Variants in ELP6 observed in about 807,000 individuals in gnomAD.
ELP6 encodes elongator acetyltransferase complex subunit 6.
Under a neutral mutation model 28.1 loss-of-function variants are expected in ELP6, and 23 were observed. The ratio of observed to expected loss-of-function variants is 0.82; its 90% CI spans 0.59 to 1.16. ELP6 has a LOEUF of 1.16. ELP6 is among the 50% of genes most tolerant of loss of function. ELP6 has a pLI of 0.00. For synonymous variants in ELP6, 132 were observed against 135.8 expected, an observed-to-expected ratio of 0.97 and a Z score of 0.19; for missense variants, 313 against 334.6, an observed-to-expected ratio of 0.94 and a Z score of 0.50.
chr3:47,504,440 G>T lies in ELP6; in HGVS notation c.213C>A (p.Ser71Arg). ...YSIVGQKLGV[S>R]LTMARERGQL... ...GCCCACGCTCCCGCGCCATGGTCAG[G>T]CTGACACCCTAAACATGAAAAAGAG... Residue 71 changes from serine (S) to arginine (R), a missense_variant, in exon 4 of 7, where the codon AGC (serine) becomes AGA (arginine). By Grantham distance (110) the Ser-to-Arg change is moderately radical. Transcript: ENST00000296149. 1 of 1,605,136 alleles carries T rather than the reference G, an allele frequency of 6.2e-7. No individual in the cohort carries two copies.
rs1708541354 is a variant in ELP6 at position 47,498,365 on chromosome 3, T to C, written c.593A>G (p.Asn198Ser). 1 of 1,613,756 alleles carries C rather than the reference T, an allele frequency of 6.2e-7. No individual in the cohort carries two copies. Among genetic ancestry groups the C allele is most frequent in the East Asian group, 2.2e-5 (1 of 44,890 alleles). Reference sequence around the variant, plus strand: ...CAGATGGCTCTGATGACTGAGGCCATTCAGCAGGATGTCATTCTCCTCATC... The same window carrying C: ...CAGATGGCTCTGATGACTGAGGCCACTCAGCAGGATGTCATTCTCCTCATC... Reference protein sequence around the residue: ...AEDEENDILLNGLSHQSHLIL... With the variant: ...AEDEENDILLSGLSHQSHLIL... Residue 198 changes from asparagine to serine, a missense_variant, in exon 6 of 7, where the codon AAT becomes AGT. Asn to Ser is a conservative substitution (Grantham distance 46, BLOSUM62 1). Coordinates refer to ENST00000296149, the MANE Select transcript of ELP6 (RefSeq NM_001031703.3).
At chr3:47,513,470 C>T in intron 1 of ELP6, 67 bp downstream of exon 1, 1 of 1,580,876 alleles carries the variant, frequency 6.3e-7, no homozygotes, top group Non-Finnish European at 8.6e-7. Flanking sequence ...GTGCGCACCG[C>T]CTCCCGGATG....
intron 4 of ELP6, chr3:47,504,089 C>T (rs1272344338): frequency 6.6e-6 from 3 of 452,828 alleles, no homozygotes; most frequent in African/African-American, 2.0e-5. Flanking sequence ...CACAGCAAAG[C>T]ATATAGTTCT....
intron 1 of ELP6, chr3:47,511,739 T>C (rs111528150): frequency 1.1e-6 from 1 of 928,778 alleles, no homozygotes; most frequent in Non-Finnish European, 1.3e-6. Context: ...GTTCACCCAA[T>C]GGCCCTGCTT....
intron 5 of ELP6, chr3:47,501,384 A>G (rs1708644586): frequency 2.0e-6 from 1 of 489,308 alleles, no homozygotes; most frequent in Non-Finnish European, 3.7e-6. Flanking sequence ...CACACAGGCT[A>G]TTCTGACAGA....
chr3:47,499,925 C>T (rs748928478), intron 5 of ELP6: 7 of 1,342,878 alleles, frequency 5.2e-6, no homozygotes, highest in Admixed American at 4.1e-5. Flanking sequence ...GACCCTCAAC[C>T]GTCGTGCCTG....
chr3:47,503,461 A>G (rs778354562), intron 4 of ELP6: 247 of 1,287,968 alleles, frequency 1.9e-4, no homozygotes, highest in Non-Finnish European at 2.4e-4. Context: ...TGAAAAGTAA[A>G]TATTTTAGGC....
chr3:47,497,648 G>C (rs1354386549), intron 6 of ELP6, among the ~76,000 whole-genome samples: 2 of 151,076 alleles, frequency 1.3e-5, no homozygotes, highest in Non-Finnish European at 2.9e-5. Context: ...GAACAGGCTG[G>C]GCACGGTGGC....
intron 4 of ELP6, among the ~76,000 whole-genome samples, chr3:47,503,962 CAAAACAAAT>C (rs1426751031): frequency 1.3e-5 from 2 of 152,112 alleles, no homozygotes; most frequent in Non-Finnish European, 2.9e-5. Context: ...ACAAAACAAA[CAAAACAAAT>C]GTATTTACAA....
In ELP6 at chr3:47,500,046, T is replaced by C. The variant is rs1270874860; in HGVS notation, c.525+1604A>G. The C allele has an allele frequency of 3.9e-6, 5 of 1,282,716 alleles. No individual in the cohort carries two copies. The Admixed American group carries it at 1.0e-4, about 26-fold the overall frequency. The allele number at this position is 1,282,716 out of a possible 1,614,324, so 79.5% of individuals were successfully genotyped here. A position where few individuals can be genotyped will look rare whatever the true frequency, so the allele number is the denominator to read the frequency against. On this transcript the variant is annotated intron_variant, in intron 5 of 6. Coordinates refer to ENST00000296149, the MANE Select transcript of ELP6 (RefSeq NM_001031703.3). Reference sequence around the variant, plus strand: ...GGAGGCTCTCGCACATCCATGCTTTTGAGCAGAAAACCCTCATCCCAGAGC... The same window carrying C: ...GGAGGCTCTCGCACATCCATGCTTTCGAGCAGAAAACCCTCATCCCAGAGC...
At position 47,505,266 on chromosome 3, in the gene ELP6, AAAAC is replaced by A. The variant is rs748661683; in HGVS notation, c.205-822_205-819del. On this transcript the variant is annotated intron_variant, in intron 3 of 6. Transcript: ENST00000296149. ...GGGTGACAAGAGTGAAACTGTCTCAAAAACAAACAAACAAACAAACAAACAACAA... is the reference window on the plus strand; with the variant it reads ...GGGTGACAAGAGTGAAACTGTCTCAAAAACAAACAAACAAACAAACAACAA... Among the ~76,000 whole-genome samples the A allele has an allele frequency of 4.4e-3, 675 of 152,154 alleles. 7 individuals are homozygous for A. Among genetic ancestry groups the A allele is most frequent in the African/African-American group, 0.011 (454 of 41,528 alleles).
chr3:47,496,272 C>T, intron 6 of ELP6, 75 bp from the exon 7 acceptor site: 2 of 1,547,708 alleles, frequency 1.3e-6, no homozygotes, highest in African/African-American at 2.8e-5. Flanking sequence ...ACCCTACCTT[C>T]TCTGTGCCCT....
rs559417036 is a variant in ELP6 at position 47,509,426 on chromosome 3, C to A, written c.204+758G>T. On this transcript the variant is annotated intron_variant, in intron 3 of 6. Transcript: ENST00000296149. The stretch of plus-strand genomic sequence containing the variant: ...ATGTCCCAGGCTAGGTCAAGAAGTT[C>A]ATCGGCCTTTTGGCCATCTTATTCT... 3.3e-5 allele frequency among the ~76,000 whole-genome samples: 5 copies of A among 152,360 alleles called. No homozygotes were observed. The East Asian group carries it at 9.6e-4, about 29-fold the overall frequency.
At chr3:47,512,652 G>T in intron 1 of ELP6, 1 of 985,454 alleles carries the variant, frequency 1.0e-6, no homozygotes, top group Non-Finnish European at 1.2e-6. Context: ...GTGTGAGGAG[G>T]GTGGAGAGAA....
intron 6 of ELP6, chr3:47,497,016 T>C (rs1708497931): frequency 1.0e-6 from 1 of 985,322 alleles, no homozygotes; most frequent in Non-Finnish European, 1.2e-6. Context: ...ACACACATAG[T>C]ACTGCTGGGC....
Position 47,498,514 on chromosome 3 carries a change from C to T in ELP6, c.526-82G>A. ...GGGAGTGCCAGCCTCTCGTTGCCTC[C>T]ACTCCCCTGTACATCCTCTCACAGA... is the stretch of plus-strand genomic sequence containing the variant. On this transcript the variant is annotated intron_variant, in intron 5 of 6. Transcript: ENST00000296149. The T allele has an allele frequency of 1.9e-6, 3 of 1,566,830 alleles. No homozygotes were observed. The South Asian group carries it at 3.6e-5, about 19-fold the overall frequency.
At chr3:47,499,642 G>T (rs1708582830) in intron 5 of ELP6, 1 of 608,444 alleles carries the variant, frequency 1.6e-6, no homozygotes, top group Non-Finnish European at 2.0e-6. Flanking sequence ...CAAGGTCACT[G>T]AGGTCGCACC....
At chr3:47,497,840 A>C in intron 6 of ELP6, 1 of 443,254 alleles carries the variant, frequency 2.3e-6, no homozygotes, top group Non-Finnish European at 3.0e-6. Context: ...GCTGAGGCAG[A>C]GAATTGCTTG....
At chr3:47,499,885 GGA>G in intron 5 of ELP6, 1 of 1,266,180 alleles carries the variant, frequency 7.9e-7, no homozygotes, top group Non-Finnish European at 1.0e-6. Context: ...AGTGGGACCC[GGA>G]GGCGAAGCAT....
Sources: gnomAD v4.1 joint callset for allele counts (sites outside exome capture counted in the v4.1 genomes callset) on GRCh38, gnomAD v4.1.1 for gene constraint, MANE v1.5 for transcripts, NCBI Gene and HGNC (gene_info 2026-07-23, HGNC 2026-07-21) for gene names.